The following LINGO2 variants were observed in gnomAD, a reference collection of about 807,000 sequenced individuals.
LINGO2 encodes the protein leucine-rich repeat and immunoglobulin-like domain-containing nogo receptor-interacting protein 2.
In LINGO2, 14 loss-of-function variants were observed where a neutral mutation model predicts 30.6. The observed-to-expected ratio is 0.46, with a 90% CI of 0.30 to 0.72. The LOEUF is 0.72. LINGO2 is among the 30% of genes least tolerant of loss of function. The pLI is 0.07. For synonymous variants in LINGO2, 317 were observed against 288.5 expected, an observed-to-expected ratio of 1.10 and a Z score of -1.00; for missense variants, 729 against 751.7, an observed-to-expected ratio of 0.97 and a Z score of 0.35.
chr9:28,817,791 C>A, the LINGO2 span, among the ~76,000 whole-genome samples: 1 of 151,960 alleles, frequency 6.6e-6, no homozygotes, highest in Non-Finnish European at 1.5e-5. Context: ...ATGAAAAAGC[C>A]TTATGCCAGA....
chr9:28,467,179 C>T (rs1475216734), intron 2 of LINGO2, among the ~76,000 whole-genome samples: 1 of 152,076 alleles, frequency 6.6e-6, no homozygotes, highest in Non-Finnish European at 1.5e-5. Context: ...GTACCCACCA[C>T]CACGCCTGGC....
At chr9:28,275,134 T>C (rs1823071340) in intron 4 of LINGO2, among the ~76,000 whole-genome samples, 1 of 152,102 alleles carries the variant, frequency 6.6e-6, no homozygotes, top group Admixed American at 6.5e-5. Context: ...AGTGGCGCTA[T>C]CTTGGCTCAC....
At chr9:28,639,013 T>G (rs921265729) in intron 1 of LINGO2, among the ~76,000 whole-genome samples, 1 of 152,154 alleles carries the variant, frequency 6.6e-6, no homozygotes, top group Non-Finnish European at 1.5e-5. Flanking sequence ...GATTCTGGTA[T>G]GTTGTGTCTT....
the LINGO2 span, among the ~76,000 whole-genome samples, chr9:28,953,684 T>A: frequency 6.6e-6 from 1 of 152,108 alleles, no homozygotes; most frequent in African/African-American, 2.4e-5. Flanking sequence ...TCTAGTCTGA[T>A]ATAGACATGT....
chr9:28,128,172 C>T (rs1827291667), intron 4 of LINGO2, among the ~76,000 whole-genome samples: 1 of 152,140 alleles, frequency 6.6e-6, no homozygotes. Context: ...CCCTTTATTT[C>T]ACAGAAGAAG....
chr9:28,174,875 A>T (rs982031770), intron 4 of LINGO2, among the ~76,000 whole-genome samples: 1 of 151,076 alleles, frequency 6.6e-6, no homozygotes, highest in Non-Finnish European at 1.5e-5. Flanking sequence ...GATGGGGGAG[A>T]GAGAGAAAGA....
At chr9:28,083,610 C>A (rs1825832098) in intron 4 of LINGO2, among the ~76,000 whole-genome samples, 1 of 152,026 alleles carries the variant, frequency 6.6e-6, no homozygotes, top group South Asian at 2.1e-4. Context: ...CATAATGGTT[C>A]AATAAAATAC....
chr9:28,224,290 T>C (rs1005164593), intron 4 of LINGO2, among the ~76,000 whole-genome samples: 12 of 152,188 alleles, frequency 7.9e-5, no homozygotes, highest in Non-Finnish European at 1.5e-4. Context: ...GGTCTCGATC[T>C]CCTGACCTCG....
intron 2 of LINGO2, among the ~76,000 whole-genome samples, chr9:28,444,352 T>C (rs1233941533): frequency 6.6e-6 from 1 of 152,228 alleles, no homozygotes; most frequent in Admixed American, 6.5e-5. Flanking sequence ...TCCTGTTCTC[T>C]GCTGGCACTG....
At chr9:29,044,854 T>C in the LINGO2 span, among the ~76,000 whole-genome samples, 1 of 152,084 alleles carries the variant, frequency 6.6e-6, no homozygotes, top group African/African-American at 2.4e-5. Flanking sequence ...AAGATAAAGT[T>C]TACTTTATAA....
the LINGO2 span, among the ~76,000 whole-genome samples, chr9:29,069,586 A>AG: frequency 6.6e-6 from 1 of 152,074 alleles, no homozygotes; most frequent in Non-Finnish European, 1.5e-5. Flanking sequence ...AGGGTGCTGT[A>AG]GAAACATTCT....
chr9:28,489,954 T>C (rs1345846514), intron 1 of LINGO2, among the ~76,000 whole-genome samples: 1 of 150,126 alleles, frequency 6.7e-6, no homozygotes, highest in Non-Finnish European at 1.5e-5. Context: ...GTATGATTTA[T>C]GTAATAAGTA....
At chr9:28,868,387 T>C in the LINGO2 span, among the ~76,000 whole-genome samples, 2 of 152,096 alleles carry the variant, frequency 1.3e-5, no homozygotes, top group African/African-American at 4.8e-5. Context: ...CTACATAGAA[T>C]AGTGAGTGAG....
rs543013520 is a variant in LINGO2, at chr9:28,534,175, A to G, written c.-364-58150T>C. Among the ~76,000 whole-genome samples the G allele has an allele frequency of 7.2e-5, 11 of 152,178 alleles. No homozygotes were observed. The South Asian group carries it at 2.3e-3, about 32-fold the overall frequency. On this transcript the variant is annotated intron_variant, in intron 1 of 5. Coordinates refer to ENST00000379992, the Ensembl canonical transcript of LINGO2. ...TTCTGCTTTATTTATTTATTTATTT[A>G]GAGTCAGGGTCTTGCCCTGTCACCA...
intron 4 of LINGO2, among the ~76,000 whole-genome samples, chr9:28,141,524 T>C (rs1485403694): frequency 6.6e-6 from 1 of 152,232 alleles, no homozygotes. Context: ...AATCATCTTG[T>C]ATTGATTTTT....
the LINGO2 span, among the ~76,000 whole-genome samples, chr9:29,206,867 TTAAC>T: frequency 1.3e-5 from 2 of 152,102 alleles, no homozygotes; most frequent in Non-Finnish European, 2.9e-5. Context: ...TGATGTGAAT[TTAAC>T]TAATCGAGAC....
chr9:28,150,747 T>A (rs1445206107), intron 4 of LINGO2, among the ~76,000 whole-genome samples: 1 of 152,178 alleles, frequency 6.6e-6, no homozygotes, highest in Non-Finnish European at 1.5e-5. Flanking sequence ...ATCCAGAGTA[T>A]CAGAATCCCT....
At chr9:28,689,005 G>A in the LINGO2 span, among the ~76,000 whole-genome samples, 5 of 152,190 alleles carry the variant, frequency 3.3e-5, no homozygotes, top group African/African-American at 1.2e-4. Flanking sequence ...GATCCTGAGT[G>A]AGTATGTGAT....
At chr9:28,809,044 G>T in the LINGO2 span, among the ~76,000 whole-genome samples, 3 of 152,022 alleles carry the variant, frequency 2.0e-5, no homozygotes, top group East Asian at 5.8e-4. Context: ...ATAGATATAG[G>T]GGGCATGGCT....
Sources: gnomAD v4.1 joint callset for allele counts (sites outside exome capture counted in the v4.1 genomes callset) on GRCh38, gnomAD v4.1.1 for gene constraint, MANE v1.5 for transcripts, NCBI Gene and HGNC (gene_info 2026-07-23, HGNC 2026-07-21) for gene names.